CALD1: variants seen among roughly 807,000 people sequenced by gnomAD.
CALD1 encodes caldesmon 1, also known as caldesmon.
A neutral mutation model predicts 99.9 loss-of-function variants in CALD1; 33 were observed. That is an observed-to-expected ratio of 0.33 (90% CI 0.25 to 0.44). CALD1 has a LOEUF of 0.44. Among genes scored for constraint, CALD1 ranks in the 20% least tolerant of loss-of-function variants. The probability of loss-of-function intolerance (pLI) is 1.00; values close to 1 mark genes in which losing one functional copy is unlikely to be tolerated. For synonymous variants in CALD1, 310 were observed against 325.0 expected (o/e 0.95, Z 0.50); for missense variants, 861 against 962.1 (o/e 0.89, Z 1.39).
At chr7:134,858,606 T>C (rs10282371) in intron 2 of CALD1, among the ~76,000 whole-genome samples, 8 of 151,644 alleles carry the variant, frequency 5.3e-5, no homozygotes, top group Admixed American at 6.6e-5. Flanking sequence ...AGTCTTGTTA[T>C]GTCACCAGGC....
At chr7:134,825,007 T>C (rs1798932511) in intron 1 of CALD1, among the ~76,000 whole-genome samples, 1 of 152,178 alleles carries the variant, frequency 6.6e-6, no homozygotes, top group South Asian at 2.1e-4. Context: ...AAATATCTAT[T>C]ATGCAGTAAC....
At chr7:134,835,317 G>C (rs549375091) in intron 1 of CALD1, among the ~76,000 whole-genome samples, 110 of 152,298 alleles carry the variant, frequency 7.2e-4, no homozygotes, top group African/African-American at 2.5e-3. Flanking sequence ...TCTGGATTAG[G>C]TCTTACTGCA....
intron 14 of CALD1, 53 bp from the exon 15 acceptor site, chr7:134,968,287 G>T: frequency 6.4e-7 from 1 of 1,565,116 alleles, no homozygotes. Flanking sequence ...AACACTGCAG[G>T]CTGTCAGTTT....
chr7:134,932,945 G>T, intron 4 of CALD1, 43 bp from the exon 5 acceptor site: 1 of 1,381,036 alleles, frequency 7.2e-7, no homozygotes, highest in South Asian at 1.3e-5. Flanking sequence ...GCTGACTGAT[G>T]AATGAGCAAG....
chr7:134,939,620 A>G (rs1239848358), intron 6 of CALD1, among the ~76,000 whole-genome samples: 1 of 152,162 alleles, frequency 6.6e-6, no homozygotes, highest in Non-Finnish European at 1.5e-5. Flanking sequence ...CAATCAAATG[A>G]CTTAAAACTT....
At chr7:134,916,815 A>G (rs1804241291) in intron 3 of CALD1, among the ~76,000 whole-genome samples, 1 of 152,232 alleles carries the variant, frequency 6.6e-6, no homozygotes, top group Non-Finnish European at 1.5e-5. Context: ...GGACTTTAGT[A>G]TTGCATCACA....
At chr7:134,756,019 C>A (rs1307297167) in intron 1 of CALD1, among the ~76,000 whole-genome samples, 4 of 151,892 alleles carry the variant, frequency 2.6e-5, no homozygotes, top group Admixed American at 2.6e-4. Context: ...AAAGACATCC[C>A]TTAACTAAAA....
At chr7:134,804,627 A>C (rs1277713571) in intron 1 of CALD1, among the ~76,000 whole-genome samples, 2 of 152,230 alleles carry the variant, frequency 1.3e-5, no homozygotes, top group Non-Finnish European at 2.9e-5. Flanking sequence ...TTTGATGAAG[A>C]AGATTATCTA....
chr7:134,711,674 A>ATGTGTG, the CALD1 span, among the ~76,000 whole-genome samples: 3 of 84,762 alleles, frequency 3.5e-5, no homozygotes, highest in African/African-American at 1.2e-4. Flanking sequence ...ATATATATAT[A>ATGTGTG]TATATATGTG....
At chr7:134,853,120 T>A (rs868170925) in intron 2 of CALD1, among the ~76,000 whole-genome samples, 3 of 152,176 alleles carry the variant, frequency 2.0e-5, no homozygotes, top group African/African-American at 7.2e-5. Flanking sequence ...TAACGTGGAT[T>A]CCCCGGGTCT....
At chr7:134,854,861 G>T (rs1800230733) in intron 2 of CALD1, among the ~76,000 whole-genome samples, 1 of 152,178 alleles carries the variant, frequency 6.6e-6, no homozygotes, top group South Asian at 2.1e-4. Flanking sequence ...GATCCCCATT[G>T]TTGGAGGAGG....
intron 9 of CALD1, among the ~76,000 whole-genome samples, chr7:134,957,860 A>G (rs1427691060): frequency 2.0e-5 from 3 of 150,438 alleles, no homozygotes; most frequent in African/African-American, 7.4e-5. Context: ...TCTATCCTGT[A>G]TCAATCCTAC....
intron 2 of CALD1, among the ~76,000 whole-genome samples, chr7:134,856,536 A>T (rs911916243): frequency 3.3e-5 from 5 of 152,164 alleles, no homozygotes; most frequent in Non-Finnish European, 7.3e-5. Flanking sequence ...TTTTCTAATT[A>T]TGATAGAGGG....
At chr7:134,876,664 A>T (rs564753178) in intron 3 of CALD1, among the ~76,000 whole-genome samples, 1 of 152,346 alleles carries the variant, frequency 6.6e-6, no homozygotes, top group East Asian at 1.9e-4. Flanking sequence ...CCCATTTTCT[A>T]TCAATTTTGG....
the CALD1 span, among the ~76,000 whole-genome samples, chr7:134,732,102 T>C: frequency 0.66 from 100,464 of 152,006 alleles, 33,723 homozygotes; most frequent in East Asian, 0.89. Flanking sequence ...CACTGATAGC[T>C]CTCTAGTTCA....
In CALD1 at chr7:134,898,188, C is replaced by T. The variant is rs187610185; in HGVS notation, c.71+30384C>T. Reference sequence around the variant, plus strand: ...ATCAGTACTGTGATCTGCAGCAAGTCGCTTCAACTTGCTGCGACACAGCTA... The same window carrying T: ...ATCAGTACTGTGATCTGCAGCAAGTTGCTTCAACTTGCTGCGACACAGCTA... On this transcript the variant is annotated intron_variant, in intron 3 of 14. Transcript: ENST00000361675. Among the ~76,000 whole-genome samples, 278 of 152,316 alleles carry T rather than the reference C, an allele frequency of 1.8e-3. 1 individual carries two copies. The highest frequency in any genetic ancestry group is 5.4e-3 in the African/African-American group (223 of 41,578).
At chr7:134,737,275 C>T in the CALD1 span, among the ~76,000 whole-genome samples, 1 of 148,144 alleles carries the variant, frequency 6.8e-6, no homozygotes, top group African/African-American at 2.5e-5. Context: ...CAGGTGCACA[C>T]CACCACACCC....
At chr7:134,932,890 C>G (rs1218437385) in intron 4 of CALD1, 98 bp from the exon 5 acceptor site, 1 of 757,216 alleles carries the variant, frequency 1.3e-6, no homozygotes, top group Non-Finnish European at 2.1e-6. Flanking sequence ...CTTGGCACTA[C>G]TGGCATCTGC....
At chr7:134,766,315 C>T (rs566369712) in intron 1 of CALD1, among the ~76,000 whole-genome samples, 15 of 151,878 alleles carry the variant, frequency 9.9e-5, no homozygotes, top group African/African-American at 3.6e-4. Context: ...CCGGCTAATT[C>T]TTGTACTTTT....
Sources: allele counts gnomAD v4.1 joint callset (sites outside exome capture counted in the v4.1 genomes callset), GRCh38; gene constraint gnomAD v4.1.1; transcripts MANE v1.5; gene names NCBI Gene and HGNC (gene_info 2026-07-23, HGNC 2026-07-21).